The following NAV2 variants were observed in gnomAD, a reference collection of about 807,000 sequenced individuals.
NAV2 encodes the protein helicase, APC down-regulated 1.
NAV2 carries 54 observed loss-of-function variants against 223.2 expected under a neutral mutation model. That is an observed-to-expected ratio of 0.24 (90% CI 0.19 to 0.30). NAV2 has a LOEUF of 0.30. Ranked by LOEUF, NAV2 falls within the 10% of genes least tolerant of loss-of-function variation. The pLI, the probability that NAV2 is intolerant of heterozygous loss-of-function variation, is 1.00. For missense variants in NAV2, 2,806 were observed against 3,147.5 expected (o/e 0.89, Z 2.60); for synonymous variants, 1,279 against 1,239.3 (o/e 1.03, Z -0.67).
intron 26 of NAV2, among the ~76,000 whole-genome samples, chr11:20,085,679 T>C (rs1161698140): frequency 2.6e-5 from 4 of 152,238 alleles, no homozygotes; most frequent in African/African-American, 9.6e-5. Context: ...CAGATAGTCC[T>C]AGTCAGCAGG....
intron 1 of NAV2, among the ~76,000 whole-genome samples, chr11:19,700,150 T>C (rs2049470129): frequency 1.3e-5 from 2 of 152,208 alleles, no homozygotes; most frequent in African/African-American, 4.8e-5. Context: ...ATAATAATAG[T>C]GGTGGCCATG....
chr11:20,032,485 G>A (rs2055876649), intron 11 of NAV2, among the ~76,000 whole-genome samples: 1 of 152,170 alleles, frequency 6.6e-6, no homozygotes, highest in Admixed American at 6.5e-5. Context: ...ATGAGCATCT[G>A]TTACAACTGC....
At chr11:19,690,312 C>T (rs1017835553) in intron 1 of NAV2, among the ~76,000 whole-genome samples, 52 of 152,176 alleles carry the variant, frequency 3.4e-4, no homozygotes, top group Non-Finnish European at 7.2e-4. Context: ...TGTTTACCAC[C>T]TTATAGTTTT....
Position 19,704,760 on chromosome 11 carries a change from C to G in NAV2, c.76-127724C>G, listed in dbSNP as rs1206221519. Among the ~76,000 whole-genome samples the G allele has an allele frequency of 3.9e-5, 6 of 152,056 alleles. No homozygotes were observed. In the East Asian group the frequency reaches 1.2e-3, roughly 29 times the overall value. On this transcript the variant is annotated intron_variant, in intron 1 of 37. Transcript: ENST00000360655. Reference sequence around the variant, plus strand: ...GGGCGCGGTGGCTCACGCCTGTAATCCCAGCACTTGGGGAGGCCGAGGCGG... The same window carrying G: ...GGGCGCGGTGGCTCACGCCTGTAATGCCAGCACTTGGGGAGGCCGAGGCGG...
chr11:19,967,878 A>C (rs1286215463), intron 10 of NAV2, among the ~76,000 whole-genome samples: 1 of 152,152 alleles, frequency 6.6e-6, no homozygotes, highest in Admixed American at 6.5e-5. Context: ...TATTCTGGAG[A>C]TAAGGATCTC....
At chr11:19,440,471 G>A (rs571285082) in intron 1 of NAV2, among the ~76,000 whole-genome samples, 6 of 152,282 alleles carry the variant, frequency 3.9e-5, no homozygotes, top group African/African-American at 1.4e-4. Flanking sequence ...TGGAATAGAG[G>A]GTGGGTCTGG....
chr11:19,462,265 G>T (rs1385730294), intron 1 of NAV2, among the ~76,000 whole-genome samples: 1 of 152,156 alleles, frequency 6.6e-6, no homozygotes, highest in Non-Finnish European at 1.5e-5. Flanking sequence ...GATTCAATAG[G>T]TCTGGGTAGG....
intron 1 of NAV2, among the ~76,000 whole-genome samples, chr11:19,487,475 A>C (rs1365461288): frequency 1.3e-5 from 2 of 152,140 alleles, no homozygotes; most frequent in African/African-American, 4.8e-5. Flanking sequence ...AAAATGATGA[A>C]GAACATGGTG....
At chr11:19,757,060 C>T (rs953549353) in intron 1 of NAV2, among the ~76,000 whole-genome samples, 1 of 152,160 alleles carries the variant, frequency 6.6e-6, no homozygotes, top group Non-Finnish European at 1.5e-5. Context: ...GCCCAGAGAA[C>T]ACACTGTGCC....
At chr11:19,482,280 C>T (rs1419370465) in intron 1 of NAV2, among the ~76,000 whole-genome samples, 1 of 152,200 alleles carries the variant, frequency 6.6e-6, no homozygotes, top group Non-Finnish European at 1.5e-5. Context: ...CCAGGATCAA[C>T]TGCAAGATGA....
At chr11:19,436,148 G>A (rs1851207849) in intron 1 of NAV2, among the ~76,000 whole-genome samples, 1 of 152,056 alleles carries the variant, frequency 6.6e-6, no homozygotes, top group Non-Finnish European at 1.5e-5. Flanking sequence ...GCCCAGACAA[G>A]CATCATAGAG....
At chr11:19,385,650 A>G (rs549361350) in intron 1 of NAV2, among the ~76,000 whole-genome samples, 1 of 152,020 alleles carries the variant, frequency 6.6e-6, no homozygotes, top group Admixed American at 6.6e-5. Flanking sequence ...TTGCCTCTGC[A>G]TTTAAGTTCT....
chr11:19,824,573 C>A (rs1360092643), intron 1 of NAV2, among the ~76,000 whole-genome samples: 1 of 152,154 alleles, frequency 6.6e-6, no homozygotes, highest in Non-Finnish European at 1.5e-5. Context: ...CTGGGGACAC[C>A]ATTTCACCTA....
chr11:19,641,039 C>A (rs1370205651), intron 1 of NAV2, among the ~76,000 whole-genome samples: 8 of 152,172 alleles, frequency 5.3e-5, no homozygotes, highest in Admixed American at 2.6e-4. Flanking sequence ...TTTGGAGAGG[C>A]AGAGTTCAGC....
intron 27 of NAV2, among the ~76,000 whole-genome samples, chr11:20,091,342 C>T (rs1030254787): frequency 6.6e-6 from 1 of 152,202 alleles, no homozygotes; most frequent in African/African-American, 2.4e-5. Context: ...TCCCCAGCTC[C>T]TCTTCCCAGA....
At chr11:19,942,696 A>G (rs1157510458) in intron 8 of NAV2, among the ~76,000 whole-genome samples, 1 of 152,166 alleles carries the variant, frequency 6.6e-6, no homozygotes, top group East Asian at 1.9e-4. Context: ...AAGATCTTTG[A>G]CTTTCTGTCT....
rs778451212 is a variant in NAV2 at position 20,105,552 on chromosome 11, C to A, written c.6666C>A (p.His2222Gln). ...HNFRWVLCAN[H>Q]TEPVKGFLGR... ...CCAGATGGGTGCTTTGTGCCAACCA[C>A]ACGGAGCCTGTGAAGGGTTTCCTTG... The change falls in exon 35 of 38, where the codon CAC becomes CAA. Residue 2222 changes from histidine (H) to glutamine (Q), a missense_variant. His to Gln is a conservative substitution (Grantham distance 24). Around this residue, in one of 4 missense-constraint regions of NAV2, gnomAD observed 824 missense variants for 1,069.4 expected, o/e 0.77. Transcript: ENST00000349880. 6.2e-7 allele frequency: 1 copy of A among 1,613,888 alleles called. No individual in the cohort carries two copies. Among genetic ancestry groups the A allele is most frequent in the South Asian group, 1.1e-5 (1 of 91,046 alleles).
At chr11:20,052,558 A>C (rs913119463) in intron 17 of NAV2, among the ~76,000 whole-genome samples, 2 of 152,180 alleles carry the variant, frequency 1.3e-5, no homozygotes, top group South Asian at 2.1e-4. Context: ...CTAACTTCTA[A>C]ATGTTAACAT....
At chr11:19,963,046 G>A (rs978531791) in intron 10 of NAV2, among the ~76,000 whole-genome samples, 5 of 152,320 alleles carry the variant, frequency 3.3e-5, no homozygotes, top group Admixed American at 2.0e-4. Flanking sequence ...AATAAATGTG[G>A]TGTTGGCTCT....
Sources: gnomAD v4.1 joint callset for allele counts (sites outside exome capture counted in the v4.1 genomes callset) on GRCh38, gnomAD v4.1.1 for gene constraint, gnomAD v4.1.1 regional missense constraint, MANE v1.5 for transcripts, NCBI Gene and HGNC (gene_info 2026-07-23, HGNC 2026-07-21) for gene names.